PTPRZ1: variants seen among roughly 807,000 people sequenced by gnomAD.
PTPRZ1 encodes receptor-type tyrosine-protein phosphatase zeta.
Under a neutral mutation model 214.1 loss-of-function variants are expected in PTPRZ1, and 82 were observed. The observed-to-expected ratio is 0.38, with a 90% CI of 0.32 to 0.46. The LOEUF (loss-of-function observed/expected upper bound fraction) is 0.46. PTPRZ1 is among the 20% of genes least tolerant of loss of function. The probability of loss-of-function intolerance (pLI) is 1.00; values close to 1 mark genes in which losing one functional copy is unlikely to be tolerated. For synonymous variants in PTPRZ1, 945 were observed against 987.9 expected (o/e 0.96, Z 0.81); for missense variants, 2,603 against 2,748.7 (o/e 0.95, Z 1.19).
At chr7:121,967,805 A>G (rs1031890659) in intron 2 of PTPRZ1, 146 bp from the exon 3 acceptor site, 4 of 579,224 alleles carry the variant, frequency 6.9e-6, no homozygotes, top group Non-Finnish European at 1.2e-5. Context: ...AAATACAGGC[A>G]TAATTATTTC....
chr7:121,956,419 A>G (rs753016810), intron 2 of PTPRZ1, among the ~76,000 whole-genome samples: 1 of 152,186 alleles, frequency 6.6e-6, no homozygotes, highest in Non-Finnish European at 1.5e-5. Context: ...ATAAAACTCA[A>G]TGAAGTCTTC....
intron 1 of PTPRZ1, 40 bp downstream of exon 1, chr7:121,873,597 C>G (rs1474170571): frequency 6.2e-7 from 1 of 1,607,432 alleles, no homozygotes; most frequent in Non-Finnish European, 8.5e-7. Flanking sequence ...GCTCCGGGAT[C>G]GGTGGGATGA....
intron 3 of PTPRZ1, among the ~76,000 whole-genome samples, chr7:121,968,921 C>G (rs145500574): frequency 6.6e-6 from 1 of 152,060 alleles, no homozygotes; most frequent in Non-Finnish European, 1.5e-5. Flanking sequence ...ATTATTTGAA[C>G]ATAATAATTT....
chr7:121,915,003 G>A (rs774034416), intron 1 of PTPRZ1, among the ~76,000 whole-genome samples: 3 of 152,142 alleles, frequency 2.0e-5, no homozygotes, highest in Non-Finnish European at 4.4e-5. Context: ...TTAGAAAACT[G>A]CATCAATTCT....
intron 2 of PTPRZ1, among the ~76,000 whole-genome samples, chr7:121,943,484 C>T (rs113529726): frequency 0.063 from 9,518 of 152,058 alleles, 356 homozygotes; most frequent in Non-Finnish European, 0.09. Flanking sequence ...TACAGGTGCC[C>T]GCCACCATGC....
At chr7:121,919,731 T>A (rs1366508468) in intron 1 of PTPRZ1, among the ~76,000 whole-genome samples, 2 of 152,144 alleles carry the variant, frequency 1.3e-5, no homozygotes, top group Non-Finnish European at 2.9e-5. Context: ...CTAATTGTGA[T>A]GTTTCCTTTA....
At chr7:121,912,694 G>A (rs1795313891) in intron 1 of PTPRZ1, among the ~76,000 whole-genome samples, 1 of 152,166 alleles carries the variant, frequency 6.6e-6, no homozygotes, top group South Asian at 2.1e-4. Flanking sequence ...GAGAAGGTAG[G>A]AGGATGGGAA....
At chr7:121,972,090 A>G (rs1262200247) in intron 3 of PTPRZ1, among the ~76,000 whole-genome samples, 1 of 152,148 alleles carries the variant, frequency 6.6e-6, no homozygotes, top group Non-Finnish European at 1.5e-5. Flanking sequence ...ATGGAGGGAT[A>G]AGCAGCAGCC....
chr7:121,896,097 A>T (rs1293710898), intron 1 of PTPRZ1, among the ~76,000 whole-genome samples: 1 of 152,230 alleles, frequency 6.6e-6, no homozygotes, highest in Non-Finnish European at 1.5e-5. Flanking sequence ...AACCTTCATA[A>T]GGACATATGT....
intron 2 of PTPRZ1, among the ~76,000 whole-genome samples, chr7:121,930,754 T>C (rs529274594): frequency 6.6e-6 from 1 of 152,312 alleles, no homozygotes; most frequent in African/African-American, 2.4e-5. Flanking sequence ...ACTTTATAAT[T>C]TTATATACTT....
rs867826406 is a variant in PTPRZ1 at position 121,996,391 on chromosome 7, C to T, written c.938C>T (p.Ser313Leu). Residue 313 changes from serine (S) to leucine (L), a missense_variant, in exon 9 of 30, where the codon TCA becomes TTA. This residue lies in a region of PTPRZ1 where 244 missense variants were observed against 333.2 expected (regional missense o/e 0.73). Coordinates refer to ENST00000393386, the MANE Select transcript of PTPRZ1 (RefSeq NM_002851.3). ...TTTTTTCTCTCTGAAGTTTGTAGTT[C>T]AGAACCAGAAAATGTTCAGGCTGAC... is the stretch of plus-strand genomic sequence containing the variant. ...KEEIHEAVCS[S>L]EPENVQADPE... 2 of 1,602,814 alleles carry T rather than the reference C, an allele frequency of 1.2e-6. No individual in the cohort carries two copies. Among genetic ancestry groups the T allele is most frequent in the South Asian group, 1.1e-5 (1 of 88,280 alleles).
chr7:121,983,889 T>G, intron 7 of PTPRZ1, 67 bp downstream of exon 7: 1 of 1,587,986 alleles, frequency 6.3e-7, no homozygotes, highest in Non-Finnish European at 8.6e-7. Flanking sequence ...GTTCTAAGTT[T>G]GCTATAAAAT....
At chr7:121,915,788 TA>T (rs972195765) in intron 1 of PTPRZ1, among the ~76,000 whole-genome samples, 1 of 152,184 alleles carries the variant, frequency 6.6e-6, no homozygotes, top group Non-Finnish European at 1.5e-5. Context: ...ACTTAGATGC[TA>T]AAAAATCTAT....
chr7:122,051,417 T>C lies in PTPRZ1; in HGVS notation c.6085-11T>C. ...GAAATAACCTATATATTTTTTTACT[T>C]TCTTGCCCAGCTCCTGAGCCAGTCA... On this transcript the variant is annotated splice_polypyrimidine_tract_variant and intron_variant, in intron 23 of 29. Transcript: ENST00000393386. The C allele has an allele frequency of 6.2e-7, 1 of 1,609,386 alleles. No homozygotes were observed. Among genetic ancestry groups the C allele is most frequent in the Non-Finnish European group, 8.5e-7 (1 of 1,176,790 alleles).
intron 1 of PTPRZ1, among the ~76,000 whole-genome samples, chr7:121,875,651 G>C (rs973017452): frequency 6.6e-6 from 1 of 152,196 alleles, no homozygotes; most frequent in South Asian, 2.1e-4. Flanking sequence ...GAGACTGGAA[G>C]GTGACTACTT....
chr7:121,884,777 A>T (rs1794349115), intron 1 of PTPRZ1, among the ~76,000 whole-genome samples: 1 of 152,250 alleles, frequency 6.6e-6, no homozygotes, highest in African/African-American at 2.4e-5. Flanking sequence ...AAAGAGAATA[A>T]TAATGTAAAT....
rs773808171 is a variant in PTPRZ1, at chr7:122,013,508, A to T, written c.4462A>T (p.Thr1488Ser). The stretch of plus-strand genomic sequence containing the variant: ...GAATTCTGAAGAAGATAATAGAGTC[A>T]CAAGTGTATCCTCAGACAGTCAAAC... ...SENSEEDNRV[T>S]SVSSDSQTGM... The change falls in exon 12 of 30, where the codon ACA becomes TCA. Residue 1488 changes from threonine (T) to serine (S), a missense_variant. Around this residue, in one of 6 missense-constraint regions of PTPRZ1, gnomAD observed 1,913 missense variants for 1,914.3 expected, o/e 1.00. Transcript: ENST00000393386. 6.2e-7 allele frequency: 1 copy of T among 1,614,170 alleles called. No homozygotes were observed. The highest frequency in any genetic ancestry group is 8.5e-7 in the Non-Finnish European group (1 of 1,180,032).
In PTPRZ1 at chr7:121,873,427, C is replaced by T; in HGVS notation, c.-73C>T. On this transcript the variant is annotated 5_prime_UTR_variant, in exon 1 of 30. Coordinates refer to ENST00000393386, the MANE Select transcript of PTPRZ1 (RefSeq NM_002851.3). Reference sequence around the variant, plus strand: ...AAACAAACAAACAAAAAAAACATTTCCTTCGCTCCCCCTCCCTCTCCACTC... The same window carrying T: ...AAACAAACAAACAAAAAAAACATTTTCTTCGCTCCCCCTCCCTCTCCACTC... The T allele has an allele frequency of 6.7e-7, 1 of 1,493,984 alleles. No homozygotes were observed. The highest frequency in any genetic ancestry group is 1.2e-5 in the South Asian group (1 of 85,596). The allele number at this position is 1,493,984 out of a possible 1,614,324, so 92.5% of individuals were successfully genotyped here. A position where few individuals can be genotyped will look rare whatever the true frequency, so the allele number is the denominator to read the frequency against.
intron 1 of PTPRZ1, among the ~76,000 whole-genome samples, chr7:121,896,685 A>G (rs1794793249): frequency 6.6e-6 from 1 of 152,064 alleles, no homozygotes; most frequent in South Asian, 2.1e-4. Context: ...AGGCAGGAGA[A>G]TGGCGTGAAC....
Sources: allele counts gnomAD v4.1 joint callset (sites outside exome capture counted in the v4.1 genomes callset), GRCh38; gene constraint gnomAD v4.1.1; regional missense constraint gnomAD v4.1.1; transcripts MANE v1.5; gene names NCBI Gene and HGNC (gene_info 2026-07-23, HGNC 2026-07-21).